Variants in ZNF224 observed in about 807,000 individuals in gnomAD.
ZNF224 encodes the protein bone marrow zinc finger 2.
Under a neutral mutation model 10.5 loss-of-function variants are expected in ZNF224, and 8 were observed. The ratio of observed to expected loss-of-function variants is 0.76; its 90% CI spans 0.45 to 1.37. ZNF224 has a LOEUF of 1.37. Among genes scored for constraint, ZNF224 ranks in the 40% most tolerant of loss-of-function variants. The pLI is 0.00. For missense variants in ZNF224, 754 were observed against 854.0 expected, an observed-to-expected ratio of 0.88 and a Z score of 1.46; for synonymous variants, 282 against 287.8, an observed-to-expected ratio of 0.98 and a Z score of 0.20.
At chr19:44,102,814 G>A (rs1324441225) in intron 5 of ZNF224, among the ~76,000 whole-genome samples, 3 of 152,096 alleles carry the variant, frequency 2.0e-5, no homozygotes, top group Non-Finnish European at 4.4e-5. Context: ...CTTCTACAAG[G>A]GGAAAAAATT....
intron 3 of ZNF224, 82 bp from the exon 4 acceptor site, chr19:44,100,719 C>T: frequency 2.0e-6 from 3 of 1,514,504 alleles, no homozygotes; most frequent in Non-Finnish European, 2.7e-6. Flanking sequence ...CTTCCCACCC[C>T]TCCCCTCTGT....
Position 44,108,887 on chromosome 19 carries a change from C to A in ZNF224, c.*603C>A. On this transcript the variant is annotated 3_prime_UTR_variant, in exon 6 of 6. Transcript: ENST00000693561. ...GAAATGCAGAGTAAACTCAGTACTG[C>A]AATCCATAGCAATATTTTGCATATT... The A allele has an allele frequency of 4.2e-6, 1 of 240,484 alleles. No individual in the cohort carries two copies. Among genetic ancestry groups the A allele is most frequent in the Admixed American group, 4.6e-5 (1 of 21,648 alleles). The allele number at this position is 240,484 out of a possible 1,614,324, so 14.9% of individuals were successfully genotyped here.
Position 44,109,106 on chromosome 19 carries a change from G to A in ZNF224, c.*822G>A, listed in dbSNP as rs1226234986. 6.3e-6 allele frequency: 1 copy of A among 159,544 alleles called. No individual in the cohort carries two copies. Among genetic ancestry groups the A allele is most frequent in the African/African-American group, 2.4e-5 (1 of 41,466 alleles). The allele number at this position is 159,544 out of a possible 1,614,324, so 9.9% of individuals were successfully genotyped here. On this transcript the variant is annotated 3_prime_UTR_variant, in exon 6 of 6. Coordinates refer to ENST00000693561, the MANE Select transcript of ZNF224 (RefSeq NM_001321645.3). ...CTTTTGTAGTTTTTCTCACAGTATA[G>A]ACTGAAAAGGTTTGGTTAATTTTGC...
Position 44,107,023 on chromosome 19 carries a change from T to C in ZNF224, c.863T>C (p.Phe288Ser), listed in dbSNP as rs1368911215. ...HQRIHTGEKP[F>S]KCDICGKSFC... ...AGAATCCATACGGGGGAGAAGCCAT[T>C]CAAATGTGATATATGTGGTAAGAGC... The change falls in exon 6 of 6, where the codon TTC (phenylalanine) becomes TCC (serine). Residue 288 changes from phenylalanine to serine, a missense_variant. Phe to Ser is a radical substitution (Grantham distance 155, BLOSUM62 -2). Transcript: ENST00000693561. 4 of 1,606,410 alleles carry C rather than the reference T, an allele frequency of 2.5e-6. No homozygotes were observed. Among genetic ancestry groups the C allele is most frequent in the Non-Finnish European group, 3.4e-6 (4 of 1,175,794 alleles).
chr19:44,105,534 T>TTTTTTA (rs1967638375), intron 5 of ZNF224: 1 of 151,620 alleles, frequency 6.6e-6, no homozygotes, highest in Admixed American at 6.6e-5. Flanking sequence ...CAGTAGTCTT[T>TTTTTTA]TTTTATTAAA....
chr19:44,099,793 T>C (rs1442564694), intron 3 of ZNF224, among the ~76,000 whole-genome samples: 1 of 151,988 alleles, frequency 6.6e-6, no homozygotes, highest in Non-Finnish European at 1.5e-5. Context: ...ACCAGAATAA[T>C]GTATCCCCTT....
At chr19:44,099,456 A>G (rs1449155021) in intron 3 of ZNF224, among the ~76,000 whole-genome samples, 1 of 152,206 alleles carries the variant, frequency 6.6e-6, no homozygotes, top group Non-Finnish European at 1.5e-5. Context: ...AAGAAATACA[A>G]ATAAAGGACA....
rs746341943 is a variant in ZNF224 at position 44,108,884 on chromosome 19, C to T, written c.*600C>T. ...GTTGAAATGCAGAGTAAACTCAGTA[C>T]TGCAATCCATAGCAATATTTTGCAT... On this transcript the variant is annotated 3_prime_UTR_variant, in exon 6 of 6. Coordinates refer to ENST00000693561, the MANE Select transcript of ZNF224 (RefSeq NM_001321645.3). 6.7e-4 allele frequency: 182 copies of T among 269,864 alleles called. No individual in the cohort carries two copies. The highest frequency in any genetic ancestry group is 6.6e-4 in the Admixed American group (16 of 24,250). The allele number at this position is 269,864 out of a possible 1,614,324, so 16.7% of individuals were successfully genotyped here.
At chr19:44,100,665 A>G (rs562000375) in intron 3 of ZNF224, 136 bp from the exon 4 acceptor site, 1 of 1,113,492 alleles carries the variant, frequency 9.0e-7, no homozygotes, top group East Asian at 2.5e-5. Flanking sequence ...CAGAATGAGT[A>G]GGAAATCTAC....
rs1223417842 is a variant in ZNF224, at chr19:44,108,191, G to A, written c.2031G>A (p.Glu677=). 1.2e-6 allele frequency: 2 copies of A among 1,614,226 alleles called. No individual in the cohort carries two copies. Among genetic ancestry groups the A allele is most frequent in the Non-Finnish European group, 1.7e-6 (2 of 1,180,030 alleles). The change falls in exon 6 of 6, where the codon GAG becomes GAA. Residue 677 remains glutamate (E), a synonymous_variant. Transcript: ENST00000693561. The part of the protein sequence containing the change: ...LDMHQRVHMG[E]KTWKCRECDM... ...TGCATCAGAGGGTCCACATGGGAGA[G>A]AAAACATGGAAGTGTAGGGAGTGTG...
chr19:44,106,709 G>T lies in ZNF224; in HGVS notation c.549G>T (p.Lys183Asn), dbSNP rs1267743115. The T allele has an allele frequency of 6.2e-7, 1 of 1,605,928 alleles. No individual in the cohort carries two copies. The highest frequency in any genetic ancestry group is 8.5e-7 in the Non-Finnish European group (1 of 1,175,628). The change falls in exon 6 of 6, where the codon AAG becomes AAT. Residue 183 changes from lysine (K) to asparagine (N), a missense_variant. By Grantham distance (94) the Lys-to-Asn change is moderately conservative (BLOSUM62 0). Transcript: ENST00000693561. ...EKSHTCDECG[K>N]NFCYISALRI... ...CTCATACGTGTGATGAGTGTGGAAAGAACTTTTGTTACATCTCAGCCCTTC... is the reference window on the plus strand; with the variant it reads ...CTCATACGTGTGATGAGTGTGGAAATAACTTTTGTTACATCTCAGCCCTTC...
chr19:44,108,819 A>C lies in ZNF224; in HGVS notation c.*535A>C. 2.2e-6 allele frequency: 1 copy of C among 446,586 alleles called. No homozygotes were observed. Among genetic ancestry groups the C allele is most frequent in the Non-Finnish European group, 4.7e-6 (1 of 212,828 alleles). The allele number at this position is 446,586 out of a possible 1,614,324, so 27.7% of individuals were successfully genotyped here. Reference sequence around the variant, plus strand: ...GATTTGGATACAATTTTGTGTATCCAAAAAGGGAAGCCTGCAAAAAATAAT... The same window carrying C: ...GATTTGGATACAATTTTGTGTATCCCAAAAGGGAAGCCTGCAAAAAATAAT... On this transcript the variant is annotated 3_prime_UTR_variant, in exon 6 of 6. Coordinates refer to ENST00000693561, the MANE Select transcript of ZNF224 (RefSeq NM_001321645.3).
At position 44,106,241 on chromosome 19, in the gene ZNF224, G is replaced by T. The variant is rs73562192; in HGVS notation, c.236-155G>T. 1.5e-3 allele frequency: 1,090 copies of T among 731,576 alleles called. 12 individuals are homozygous for T. In the African/African-American group the frequency reaches 0.018, roughly 12 times the overall value. The allele number at this position is 731,576 out of a possible 1,614,324, so 45.3% of individuals were successfully genotyped here. On this transcript the variant is annotated intron_variant, in intron 5 of 5. Transcript: ENST00000693561. ...TGATACTTGGTTTAGTTCGAAATTG[G>T]CCTCATCCAAACCAAAGATTATGGT...
At position 44,108,674 on chromosome 19, in the gene ZNF224, C is replaced by T; in HGVS notation, c.*390C>T. On this transcript the variant is annotated 3_prime_UTR_variant, in exon 6 of 6. Coordinates refer to ENST00000693561, the MANE Select transcript of ZNF224 (RefSeq NM_001321645.3). ...GTGGACATGTCCAAATTGATGTCCA[C>T]TAGAATGTAAACTACATGTGTCTTT... The T allele has an allele frequency of 1.9e-6, 1 of 521,290 alleles. No homozygotes were observed. The highest frequency in any genetic ancestry group is 3.8e-6 in the Non-Finnish European group (1 of 261,670). The allele number at this position is 521,290 out of a possible 1,614,324, so 32.3% of individuals were successfully genotyped here.
chr19:44,095,201 C>T lies in ZNF224; in HGVS notation c.-158+671C>T, dbSNP rs562777773. Reference sequence around the variant, plus strand: ...CTTTGACCGAGATGCTCACCCCAACCGAGAGTGTATAGGTTGTGTCCTCGG... The same window carrying T: ...CTTTGACCGAGATGCTCACCCCAACTGAGAGTGTATAGGTTGTGTCCTCGG... On this transcript the variant is annotated intron_variant, in intron 1 of 5. Transcript: ENST00000693561. 2.2e-5 allele frequency: 5 copies of T among 225,356 alleles called. No homozygotes were observed. In the South Asian group the frequency reaches 3.9e-4, roughly 18 times the overall value. The allele number at this position is 225,356 out of a possible 1,614,324, so 14.0% of individuals were successfully genotyped here. A position where few individuals can be genotyped will look rare whatever the true frequency, so the allele number is the denominator to read the frequency against.
At chr19:44,099,695 G>GA (rs970272596) in intron 3 of ZNF224, among the ~76,000 whole-genome samples, 2 of 135,536 alleles carry the variant, frequency 1.5e-5, no homozygotes, top group African/African-American at 2.5e-5. Flanking sequence ...TCTACAAAAA[G>GA]AAAAAAAAGA....
chr19:44,101,170 A>C lies in ZNF224; in HGVS notation c.180A>C (p.Leu60=). 6.2e-7 allele frequency: 1 copy of C among 1,614,142 alleles called. No individual in the cohort carries two copies. The highest frequency in any genetic ancestry group is 8.5e-7 in the Non-Finnish European group (1 of 1,179,994). ...QAFHRDTFHF[L]REEKIWMMKT... ...TCCACAGGGATACTTTCCACTTCCT[A>C]AGGGAAGAAAAGATTTGGATGATGA... The change falls in exon 5 of 6, where the codon CTA becomes CTC. Residue 60 remains leucine, a synonymous_variant. Coordinates refer to ENST00000693561, the MANE Select transcript of ZNF224 (RefSeq NM_001321645.3).
chr19:44,106,847 G>A lies in ZNF224; in HGVS notation c.687G>A (p.Glu229=), dbSNP rs756322847. The A allele has an allele frequency of 9.3e-6, 15 of 1,613,150 alleles. 1 individual carries two copies. The highest frequency in any genetic ancestry group is 3.3e-5 in the Admixed American group (2 of 59,984). Residue 229 remains glutamate (E), a synonymous_variant, in exon 6 of 6, where the codon GAG becomes GAA. Coordinates refer to ENST00000693561, the MANE Select transcript of ZNF224 (RefSeq NM_001321645.3). ...LQTHQRVHTG[E]KPFKCVECGK... is the part of the protein sequence containing the mutation. ...CTCATCAGAGAGTCCACACTGGAGA[G>A]AAACCGTTCAAATGTGTGGAATGTG...
chr19:44,100,044 T>C (rs1967516637), intron 3 of ZNF224, among the ~76,000 whole-genome samples: 1 of 152,214 alleles, frequency 6.6e-6, no homozygotes, highest in Admixed American at 6.5e-5. Context: ...TCGACAATAA[T>C]TGACAAAAAT....
Sources: allele counts gnomAD v4.1 joint callset (sites outside exome capture counted in the v4.1 genomes callset), GRCh38; gene constraint gnomAD v4.1.1; transcripts MANE v1.5; gene names NCBI Gene and HGNC (gene_info 2026-07-23, HGNC 2026-07-21).